Variants in ACTL6A observed in about 807,000 individuals in gnomAD.
The protein encoded by ACTL6A is actin-like protein 6A.
ACTL6A carries 5 observed loss-of-function variants against 59.2 expected under a neutral mutation model. The observed-to-expected ratio is 0.08, with a 90% confidence interval of 0.04 to 0.18. The LOEUF (loss-of-function observed/expected upper bound fraction) is 0.18. ACTL6A is among the 10% of genes least tolerant of loss of function. The pLI, the probability that ACTL6A is intolerant of heterozygous loss-of-function variation, is 1.00. For missense variants in ACTL6A, 285 were observed against 526.9 expected (o/e 0.54, Z 4.49); for synonymous variants, 154 against 171.8 (o/e 0.90, Z 0.81).
chr3:179,563,789 C>A (rs75881057), intron 1 of ACTL6A, among the ~76,000 whole-genome samples: 1 of 152,124 alleles, frequency 6.6e-6, no homozygotes, highest in African/African-American at 2.4e-5. Flanking sequence ...TTTAAGGATG[C>A]CCAGAAAGTT....
intron 8 of ACTL6A, 113 bp from the exon 9 acceptor site, chr3:179,580,527 A>G (rs1256453469): frequency 7.1e-6 from 5 of 708,978 alleles, no homozygotes; most frequent in East Asian, 5.8e-5. Context: ...TGATTTACCC[A>G]TCTAGAAACA....
intron 5 of ACTL6A, chr3:179,575,478 A>G (rs1371980087): frequency 2.2e-6 from 1 of 455,968 alleles, no homozygotes; most frequent in African/African-American, 2.0e-5. Context: ...TTGTGTGTCT[A>G]CTGTGTTAAA....
intron 8 of ACTL6A, 67 bp downstream of exon 8, chr3:179,576,980 T>C (rs868179550): frequency 3.1e-6 from 4 of 1,287,682 alleles, no homozygotes; most frequent in East Asian, 2.4e-5. Context: ...AAAAAAGTTA[T>C]ATATAGGCTG....
chr3:179,574,430 C>T lies in ACTL6A; in HGVS notation c.439C>T (p.Pro147Ser). The T allele has an allele frequency of 6.2e-7, 1 of 1,613,238 alleles. No individual in the cohort carries two copies. Among genetic ancestry groups the T allele is most frequent in the Non-Finnish European group, 8.5e-7 (1 of 1,179,414 alleles). Residue 147 changes from proline (P) to serine (S), a missense_variant, in exon 5 of 14, where the codon CCT (proline) becomes TCT (serine). Transcript: ENST00000429709. ...TELMFEHYNI[P>S]AFFLCKTAVL... ...GTTAATGTTTGAACACTACAACATC[C>T]CTGCCTTCTTCCTTTGCAAAACTGC...
intron 1 of ACTL6A, among the ~76,000 whole-genome samples, chr3:179,563,735 C>T (rs933527635): frequency 6.6e-6 from 1 of 152,210 alleles, no homozygotes; most frequent in Non-Finnish European, 1.5e-5. Flanking sequence ...TCCAGAGTGA[C>T]TCGTGGGCGG....
intron 1 of ACTL6A, among the ~76,000 whole-genome samples, chr3:179,569,029 A>G (rs143062608): frequency 2.6e-5 from 4 of 152,342 alleles, no homozygotes; most frequent in Non-Finnish European, 5.9e-5. Context: ...AATTCTATGT[A>G]TGCACAATTT....
rs1030765047 is a variant in ACTL6A, at chr3:179,563,173, A to G, written c.25+56A>G. On this transcript the variant is annotated intron_variant, in intron 1 of 13. Coordinates refer to ENST00000429709, the MANE Select transcript of ACTL6A (RefSeq NM_004301.5). ...GCCTTTTCGGCGTGTGGGGTTTGTAACCGCCGCTCCCAGCCCTCCCCTCCC... is the reference window on the plus strand; with the variant it reads ...GCCTTTTCGGCGTGTGGGGTTTGTAGCCGCCGCTCCCAGCCCTCCCCTCCC... 32 of 1,556,236 alleles carry G rather than the reference A, an allele frequency of 2.1e-5. No homozygotes were observed. In the African/African-American group the frequency reaches 3.8e-4, roughly 19 times the overall value.
At chr3:179,578,577 C>T (rs1718239899) in intron 8 of ACTL6A, among the ~76,000 whole-genome samples, 1 of 152,074 alleles carries the variant, frequency 6.6e-6, no homozygotes, top group African/African-American at 2.4e-5. Flanking sequence ...TGTGATTGTA[C>T]CAGTGCCTTC....
At chr3:179,575,425 T>A (rs1367526352) in intron 5 of ACTL6A, 1 of 456,738 alleles carries the variant, frequency 2.2e-6, no homozygotes, top group East Asian at 6.9e-5. Flanking sequence ...TCTACTTCAC[T>A]AAACAGGATA....
intron 1 of ACTL6A, among the ~76,000 whole-genome samples, chr3:179,565,390 G>A (rs1057051446): frequency 8.7e-5 from 13 of 149,330 alleles, no homozygotes; most frequent in Non-Finnish European, 1.9e-4. Context: ...GGGTGACAGA[G>A]CGAGACTCTA....
intron 1 of ACTL6A, among the ~76,000 whole-genome samples, chr3:179,569,138 G>C (rs1475027622): frequency 6.6e-6 from 1 of 152,168 alleles, no homozygotes; most frequent in Non-Finnish European, 1.5e-5. Context: ...GAGGTTGCTG[G>C]TATATTTATT....
At chr3:179,585,682 A>C (rs1718467375) in intron 12 of ACTL6A, among the ~76,000 whole-genome samples, 1 of 152,138 alleles carries the variant, frequency 6.6e-6, no homozygotes, top group Non-Finnish European at 1.5e-5. Context: ...AAAGCCCCAA[A>C]AATATGTTCA....
chr3:179,586,668 C>A, intron 13 of ACTL6A, 36 bp downstream of exon 13: 1 of 1,460,546 alleles, frequency 6.8e-7, no homozygotes, highest in Non-Finnish European at 9.4e-7. Context: ...AATATTCTTA[C>A]TGAATTATAC....
In ACTL6A at chr3:179,562,951, T is replaced by C. The variant is rs1717705176; in HGVS notation, c.-142T>C. The C allele has an allele frequency of 1.8e-6, 2 of 1,099,810 alleles. No homozygotes were observed. The highest frequency in any genetic ancestry group is 1.3e-6 in the Non-Finnish European group (1 of 747,916). 68.1% of individuals were successfully genotyped at this position (1,099,810 alleles called of 1,614,324 possible). ...AAGTGTGGCTGAGCTCCGGGGTGTG[T>C]GGACGCCGCTTTGTTGCCTGAGGTG... On this transcript the variant is annotated 5_prime_UTR_variant, in exon 1 of 14. Coordinates refer to ENST00000429709, the MANE Select transcript of ACTL6A (RefSeq NM_004301.5).
intron 1 of ACTL6A, among the ~76,000 whole-genome samples, chr3:179,566,354 G>A (rs1272433247): frequency 6.6e-6 from 1 of 152,136 alleles, no homozygotes; most frequent in Non-Finnish European, 1.5e-5. Context: ...CTAACATAGG[G>A]TTTGTGGCCT....
At chr3:179,572,284 C>T (rs1353934985) in intron 3 of ACTL6A, among the ~76,000 whole-genome samples, 1 of 151,542 alleles carries the variant, frequency 6.6e-6, no homozygotes, top group Non-Finnish European at 1.5e-5. Flanking sequence ...TTTCTGGAAG[C>T]ATAAAATTCC....
intron 1 of ACTL6A, 40 bp from the exon 2 acceptor site, chr3:179,569,782 CTT>C: frequency 1.3e-6 from 2 of 1,570,246 alleles, no homozygotes; most frequent in Non-Finnish European, 1.8e-6. Context: ...TCATATGATA[CTT>C]TTGCAAGCTG....
At chr3:179,581,372 C>T in intron 11 of ACTL6A, 152 bp downstream of exon 11, 1 of 656,502 alleles carries the variant, frequency 1.5e-6, no homozygotes. Flanking sequence ...AGATGAAGTA[C>T]TAGAAAAGGA....
chr3:179,584,047 C>T (rs778753623), intron 12 of ACTL6A, among the ~76,000 whole-genome samples: 7 of 152,146 alleles, frequency 4.6e-5, no homozygotes, highest in Admixed American at 1.3e-4. Context: ...CTAGAGCTGC[C>T]GTAACAAAGT....
Sources: gnomAD v4.1 joint callset for allele counts (sites outside exome capture counted in the v4.1 genomes callset) on GRCh38, gnomAD v4.1.1 for gene constraint, MANE v1.5 for transcripts, NCBI Gene and HGNC (gene_info 2026-07-23, HGNC 2026-07-21) for gene names.